RANBP3: variants seen among roughly 807,000 people sequenced by gnomAD.
RANBP3 encodes RAN binding protein 3.
In RANBP3, 14 loss-of-function variants were observed where a neutral mutation model predicts 77.3. The observed-to-expected ratio is 0.18, with a 90% CI of 0.12 to 0.28. The LOEUF is 0.28. Among genes scored for constraint, RANBP3 ranks in the 10% least tolerant of loss-of-function variants. RANBP3 has a pLI of 1.00. For missense variants in RANBP3, 586 were observed against 752.3 expected, an observed-to-expected ratio of 0.78 and a Z score of 2.59; for synonymous variants, 315 against 312.4, an observed-to-expected ratio of 1.01 and a Z score of -0.09.
At chr19:5,935,642 T>G (rs1289260698) in intron 5 of RANBP3, 2 of 450,356 alleles carry the variant, frequency 4.4e-6, no homozygotes, top group African/African-American at 4.0e-5. Flanking sequence ...TGGCCCGAGC[T>G]GCCAAGCGGA....
rs909126511 is a variant in RANBP3 at position 5,962,938 on chromosome 19, C to T, written c.23-4965G>A. ...CAGTGAGGAAGCAGCGTGTGAACAC[C>T]GCTACCTCCAACTCAAGTTTGGGGA... On this transcript the variant is annotated intron_variant, in intron 1 of 16. Coordinates refer to ENST00000340578, the MANE Select transcript of RANBP3 (RefSeq NM_007322.3). 5.3e-5 allele frequency among the ~76,000 whole-genome samples: 8 copies of T among 152,216 alleles called. No homozygotes were observed. In the East Asian group the frequency reaches 5.8e-4, roughly 11 times the overall value.
rs867602933 is a variant in RANBP3, at chr19:5,959,987, G to A, written c.23-2014C>T. Among the ~76,000 whole-genome samples, 26 of 152,074 alleles carry A rather than the reference G, an allele frequency of 1.7e-4. No homozygotes were observed. The highest frequency in any genetic ancestry group is 1.5e-3 in the East Asian group (8 of 5,180). ...CTCCAGGCCTGACAAGAAGAGTCCC[G>A]CATGCATCGTCTAACACATGGCACA... On this transcript the variant is annotated intron_variant, in intron 1 of 16. Coordinates refer to ENST00000340578, the MANE Select transcript of RANBP3 (RefSeq NM_007322.3). This position sits in a 1 kb window ranked among gnomAD's most constrained non-coding sequence, Gnocchi z 5.1.
In RANBP3 at chr19:5,941,732, G is replaced by A. The variant is rs147717155; in HGVS notation, c.320-25C>T. On this transcript the variant is annotated intron_variant, in intron 4 of 16. Coordinates refer to ENST00000340578, the MANE Select transcript of RANBP3 (RefSeq NM_007322.3). ...TCTACAGAAAATGATGAGAAGAGGAGGAGAAAAATCAGGTTGCTTCTGTCT... is the reference window on the plus strand; with the variant it reads ...TCTACAGAAAATGATGAGAAGAGGAAGAGAAAAATCAGGTTGCTTCTGTCT... The A allele has an allele frequency of 2.6e-3, 4,124 of 1,612,600 alleles. 5 individuals carry two copies. Among genetic ancestry groups the A allele is most frequent in the Non-Finnish European group, 3.3e-3 (3,843 of 1,179,240 alleles).
rs3745632 is a variant in RANBP3 at position 5,917,768 on chromosome 19, C to G, written c.1660+26G>C. The G allele has an allele frequency of 2.1e-4, 336 of 1,596,262 alleles. 1 individual carries two copies. In the East Asian group the frequency reaches 7.2e-3, roughly 34 times the overall value. On this transcript the variant is annotated intron_variant, in intron 16 of 16. Transcript: ENST00000340578. Reference sequence around the variant, plus strand: ...ATGGCGGGCAGCTCTTTCTATCCCCCCCAGGGTAGGGACCACCCGACTCAC... The same window carrying G: ...ATGGCGGGCAGCTCTTTCTATCCCCGCCAGGGTAGGGACCACCCGACTCAC...
At chr19:5,930,676 C>G (rs1475238442) in intron 8 of RANBP3, among the ~76,000 whole-genome samples, 3 of 152,212 alleles carry the variant, frequency 2.0e-5, no homozygotes, top group Non-Finnish European at 4.4e-5. Context: ...TCAAGCAATC[C>G]TCCAGCCTCA....
In RANBP3 at chr19:5,917,303, C is replaced by T. The variant is rs770568346; in HGVS notation, c.*307G>A. ...GCTGGCGACACGCGGGGTGAAGGAA[C>T]GAGGTCTCCAGTCCCAGTGAGAAGC... On this transcript the variant is annotated 3_prime_UTR_variant, in exon 17 of 17. Coordinates refer to ENST00000340578, the MANE Select transcript of RANBP3 (RefSeq NM_007322.3). 6.9e-4 allele frequency: 305 copies of T among 442,802 alleles called. No homozygotes were observed. Among genetic ancestry groups the T allele is most frequent in the Non-Finnish European group, 6.6e-4 (163 of 246,344 alleles). The allele number at this position is 442,802 out of a possible 1,614,324, so 27.4% of individuals were successfully genotyped here. A position where few individuals can be genotyped will look rare whatever the true frequency, so the allele number is the denominator to read the frequency against.
chr19:5,919,166 G>A (rs759547338), intron 14 of RANBP3, among the ~76,000 whole-genome samples: 3 of 152,248 alleles, frequency 2.0e-5, no homozygotes, highest in Non-Finnish European at 4.4e-5. Context: ...GAGTAGGACC[G>A]CAGCTTAGCG....
intron 13 of RANBP3, among the ~76,000 whole-genome samples, chr19:5,922,174 C>A (rs546874697): frequency 1.2e-4 from 18 of 152,058 alleles, no homozygotes; most frequent in Non-Finnish European, 1.8e-4. Flanking sequence ...CTAGAAACCA[C>A]GGAATTGTAT....
At chr19:5,925,480 G>T in intron 10 of RANBP3, 154 bp downstream of exon 10, 1 of 665,970 alleles carries the variant, frequency 1.5e-6, no homozygotes, top group Non-Finnish European at 2.7e-6. Context: ...ACCCAAGGTT[G>T]TGCCCAGAGT....
chr19:5,949,621 G>A (rs1443212294), intron 3 of RANBP3, among the ~76,000 whole-genome samples: 1 of 152,140 alleles, frequency 6.6e-6, no homozygotes, highest in Non-Finnish European at 1.5e-5. Context: ...GCTCTCCCAC[G>A]GTGCCCACAA....
At chr19:5,925,762 T>A in intron 9 of RANBP3, 25 bp from the exon 10 acceptor site, 11 of 1,392,686 alleles carry the variant, frequency 7.9e-6, no homozygotes, top group African/African-American at 2.9e-5. Context: ...GAGCGCTCAG[T>A]AATCGGGGGT....
In RANBP3 at chr19:5,932,557, G is replaced by A; in HGVS notation, c.473-13C>T. On this transcript the variant is annotated splice_polypyrimidine_tract_variant and intron_variant, in intron 6 of 16. Transcript: ENST00000340578. ...TGGCTTGGCAGACCTAGGAACAGAA[G>A]GCGGCCTTCCCAGTGCCCGTGGACC... The A allele has an allele frequency of 6.2e-7, 1 of 1,612,568 alleles. No individual in the cohort carries two copies. The highest frequency in any genetic ancestry group is 8.5e-7 in the Non-Finnish European group (1 of 1,179,378).
rs186340531 is a variant in RANBP3 at position 5,935,517 on chromosome 19, A to C, written c.407-2038T>G. Among the ~76,000 whole-genome samples the C allele has an allele frequency of 2.3e-4, 35 of 152,398 alleles. No individual in the cohort carries two copies. In the East Asian group the frequency reaches 3.1e-3, roughly 13 times the overall value. ...CAAATTCACAATTTAGATAGTTTTT[A>C]GCAAGCTCTTCAAGCTGGCTCTCCA... On this transcript the variant is annotated intron_variant, in intron 5 of 16. Transcript: ENST00000340578.
At position 5,958,908 on chromosome 19, in the gene RANBP3, C is replaced by T. The variant is rs1024209296; in HGVS notation, c.23-935G>A. ...AATGCCTGCTGTGGGCTGCGGGCTG[C>T]GCACTGGTGCCTCCGCGTTGAGCAG... On this transcript the variant is annotated intron_variant, in intron 1 of 16. Coordinates refer to ENST00000340578, the MANE Select transcript of RANBP3 (RefSeq NM_007322.3). The surrounding 1 kb of genome is among the most constrained non-coding windows in gnomAD (Gnocchi z 4.4). 6.6e-6 allele frequency among the ~76,000 whole-genome samples: 1 copy of T among 152,258 alleles called. No homozygotes were observed. Among genetic ancestry groups the T allele is most frequent in the East Asian group, 1.9e-4 (1 of 5,188 alleles).
intron 5 of RANBP3, among the ~76,000 whole-genome samples, chr19:5,940,827 G>C (rs1369008442): frequency 6.6e-6 from 1 of 152,250 alleles, no homozygotes; most frequent in Non-Finnish European, 1.5e-5. Context: ...GGGGACGAGA[G>C]AATAGCCCTG....
chr19:5,977,648 C>G (rs1250511348), intron 1 of RANBP3, among the ~76,000 whole-genome samples: 1 of 141,102 alleles, frequency 7.1e-6, no homozygotes, highest in Non-Finnish European at 1.5e-5. Context: ...GGGGAGATGC[C>G]GGGTGGCGGA....
rs2057894414 is a variant in RANBP3, at chr19:5,925,578, C to A, written c.917+56G>T. On this transcript the variant is annotated intron_variant, in intron 10 of 16. Transcript: ENST00000340578. ...CCACAGACCCCTCTCTGGCAGAAGC[C>A]CTCGCGGCCACCTGCATCGCCATGC... The A allele has an allele frequency of 4.6e-6, 7 of 1,507,052 alleles. No individual in the cohort carries two copies. The South Asian group carries it at 5.6e-5, about 12-fold the overall frequency. 93.4% of individuals were successfully genotyped at this position (1,507,052 alleles called of 1,614,324 possible). A position where few individuals can be genotyped will look rare whatever the true frequency, so the allele number is the denominator to read the frequency against.
chr19:5,965,665 T>C (rs902171891), intron 1 of RANBP3: 2 of 152,204 alleles, frequency 1.3e-5, no homozygotes, highest in African/African-American at 4.8e-5. Context: ...ACCCCAGCGG[T>C]GGCCCAGGGG....
At chr19:5,957,312 C>A (rs2058346270) in intron 2 of RANBP3, among the ~76,000 whole-genome samples, 2 of 152,208 alleles carry the variant, frequency 1.3e-5, no homozygotes, top group African/African-American at 4.8e-5. Context: ...CCACAGGCTG[C>A]CAGCTCATCG....
Sources: allele counts gnomAD v4.1 joint callset (sites outside exome capture counted in the v4.1 genomes callset), GRCh38; gene constraint gnomAD v4.1.1; non-coding constraint Gnocchi (gnomAD v3.1); transcripts MANE v1.5; gene names NCBI Gene and HGNC (gene_info 2026-07-23, HGNC 2026-07-21).